JAG2: variants seen among roughly 807,000 people sequenced by gnomAD.
JAG2 encodes jagged canonical Notch ligand 2.
In JAG2, 46 loss-of-function variants were observed where a neutral mutation model predicts 141.7. The ratio of observed to expected loss-of-function variants is 0.32; its 90% CI spans 0.26 to 0.42. JAG2 has a LOEUF of 0.42. Ranked by LOEUF, JAG2 falls within the 10% of genes least tolerant of loss-of-function variation. The probability of loss-of-function intolerance (pLI) is 1.00; values close to 1 mark genes in which losing one functional copy is unlikely to be tolerated. For synonymous variants in JAG2, 862 were observed against 763.5 expected (o/e 1.13, Z -2.13); for missense variants, 1,500 against 1,817.5 (o/e 0.83, Z 3.18).
At chr14:105,156,329 C>T (rs1888582397) in intron 3 of JAG2, among the ~76,000 whole-genome samples, 1 of 152,146 alleles carries the variant, frequency 6.6e-6, no homozygotes, top group Admixed American at 6.5e-5. Context: ...TCTCACGTCC[C>T]ACACCTGTGC....
intron 25 of JAG2, 132 bp downstream of exon 25, chr14:105,143,350 G>A (rs1204052088): frequency 8.5e-6 from 11 of 1,299,748 alleles, no homozygotes; most frequent in East Asian, 5.0e-5. Context: ...GGGGCTGGGC[G>A]GCTGGGGCAG....
Position 105,142,818 on chromosome 14 carries a change from T to A in JAG2, c.3594A>T (p.Ser1198=), listed in dbSNP as rs780123604. ...EDSLEAEKFL[S]HKFTKDPGRS... is the part of the protein sequence containing the mutation. ...GGCCAGGATCTTTGGTGAATTTGTG[T>A]GAGAGGAACTTCTCCGCCTCCAGGG... Residue 1198 remains serine, a synonymous_variant, in exon 26 of 26, where the codon TCA becomes TCT. Coordinates refer to ENST00000331782, the MANE Select transcript of JAG2 (RefSeq NM_002226.5). The A allele has an allele frequency of 4.3e-6, 7 of 1,610,814 alleles. No individual in the cohort carries two copies. The highest frequency in any genetic ancestry group is 5.9e-6 in the Non-Finnish European group (7 of 1,179,026).
intron 24 of JAG2, 33 bp downstream of exon 24, chr14:105,144,897 C>A: frequency 6.3e-7 from 1 of 1,593,052 alleles, no homozygotes; most frequent in East Asian, 2.3e-5. Context: ...GACCCAGGGC[C>A]CACCCAGGTG....
At position 105,167,054 on chromosome 14, in the gene JAG2, G is replaced by A. The variant is rs1290147694; in HGVS notation, c.417+703C>T. ...CCCCTACCACCCCTCCTCCCAGCACGCCCAGGCCAGGGCTCCTGCCTGACT... is the reference window on the plus strand; with the variant it reads ...CCCCTACCACCCCTCCTCCCAGCACACCCAGGCCAGGGCTCCTGCCTGACT... On this transcript the variant is annotated intron_variant, in intron 2 of 25. Coordinates refer to ENST00000331782, the MANE Select transcript of JAG2 (RefSeq NM_002226.5). This position sits in a 1 kb window ranked among gnomAD's most constrained non-coding sequence, Gnocchi z 4.8. Among the ~76,000 whole-genome samples, 2 of 152,066 alleles carry A rather than the reference G, an allele frequency of 1.3e-5. No homozygotes were observed. The highest frequency in any genetic ancestry group is 2.9e-5 in the Non-Finnish European group (2 of 68,010).
In JAG2 at chr14:105,142,941, C is replaced by T. The variant is rs200439518; in HGVS notation, c.3471G>A (p.Pro1157=). Residue 1157 remains proline (P), a synonymous_variant, in exon 26 of 26, where the codon CCG becomes CCA. Transcript: ENST00000331782. ...VLYQCKNFTP[P]PRRADEALPG... ...GCAGCGCCTCGTCCGCCCTGCGCGGCGGCGGCGTGAAGTTCTTGCACTGGT... is the reference window on the plus strand; with the variant it reads ...GCAGCGCCTCGTCCGCCCTGCGCGGTGGCGGCGTGAAGTTCTTGCACTGGT... 4,471 of 1,608,884 alleles carry T rather than the reference C, an allele frequency of 2.8e-3. 6 individuals carry two copies. Among genetic ancestry groups the T allele is most frequent in the Non-Finnish European group, 3.4e-3 (4,044 of 1,177,836 alleles).
intron 2 of JAG2, among the ~76,000 whole-genome samples, chr14:105,165,834 C>T (rs1055361984): frequency 6.6e-6 from 1 of 152,276 alleles, no homozygotes. Flanking sequence ...CTCCTCAGGT[C>T]CCAGGGAGCC....
At chr14:105,152,778 C>T (rs1888475782) in intron 5 of JAG2, among the ~76,000 whole-genome samples, 1 of 152,140 alleles carries the variant, frequency 6.6e-6, no homozygotes. Flanking sequence ...CGCTCGCTCC[C>T]AGTAAAGTCC....
At chr14:105,146,169 C>A (rs1236326524) in intron 22 of JAG2, among the ~76,000 whole-genome samples, 196 bp from the exon 23 acceptor site, 3 of 152,176 alleles carry the variant, frequency 2.0e-5, no homozygotes, top group Non-Finnish European at 4.4e-5. Context: ...TCAGAAAGGG[C>A]AGGCGGAGCA....
chr14:105,168,176 G>T, intron 1 of JAG2, 69 bp from the exon 2 acceptor site: 6 of 1,336,854 alleles, frequency 4.5e-6, no homozygotes, highest in South Asian at 1.7e-5. Context: ...CGCCAGGGGT[G>T]GGGGAACAGG....
rs757806752 is a variant in JAG2, at chr14:105,167,721, G to A, written c.417+36C>T. ...GCGGGGCCGGGGCGCGGAGAGAGAG[G>A]GAAGGGCTGGAGCACGAGGGATGGA... On this transcript the variant is annotated intron_variant, in intron 2 of 25. Coordinates refer to ENST00000331782, the MANE Select transcript of JAG2 (RefSeq NM_002226.5). The surrounding 1 kb of genome is among the most constrained non-coding windows in gnomAD (Gnocchi z 4.8). 2.3e-5 allele frequency: 33 copies of A among 1,410,262 alleles called. No homozygotes were observed. Among genetic ancestry groups the A allele is most frequent in the South Asian group, 4.3e-5 (3 of 68,994 alleles). 87.4% of individuals were successfully genotyped at this position (1,410,262 alleles called of 1,614,324 possible).
In JAG2 at chr14:105,151,337, C is replaced by T. The variant is rs376912303; in HGVS notation, c.1213G>A (p.Asp405Asn). 16 of 1,612,626 alleles carry T rather than the reference C, an allele frequency of 9.9e-6. No individual in the cohort carries two copies. In the African/African-American group the frequency reaches 2.1e-4, roughly 22 times the overall value. ...AAGGTCVDQV[D>N]GFECICPEQW... ...TCGGGGCAGATGCACTCAAAGCCGTCCACCTGGTCCACACAGGTGCCACCG... is the reference window on the plus strand; with the variant it reads ...TCGGGGCAGATGCACTCAAAGCCGTTCACCTGGTCCACACAGGTGCCACCG... The change falls in exon 9 of 26, where the codon GAC becomes AAC. Residue 405 changes from aspartate to asparagine, a missense_variant. This residue lies in a region of JAG2 where 875 missense variants were observed against 1,202.2 expected (regional missense o/e 0.73). Coordinates refer to ENST00000331782, the MANE Select transcript of JAG2 (RefSeq NM_002226.5).
At chr14:105,161,898 C>T (rs1386877621) in intron 2 of JAG2, among the ~76,000 whole-genome samples, 1 of 152,244 alleles carries the variant, frequency 6.6e-6, no homozygotes, top group African/African-American at 2.4e-5. Flanking sequence ...AGCAACCTCT[C>T]ACCCCTGTCC....
chr14:105,160,740 G>A (rs1888723511), intron 2 of JAG2, among the ~76,000 whole-genome samples: 1 of 152,068 alleles, frequency 6.6e-6, no homozygotes. Context: ...GCAGGTGTCT[G>A]TAGTCCCAGC....
chr14:105,149,525 C>A (rs994088732), intron 12 of JAG2, among the ~76,000 whole-genome samples: 2 of 151,984 alleles, frequency 1.3e-5, no homozygotes, highest in East Asian at 3.9e-4. Flanking sequence ...TGGGCCCCCA[C>A]CCCCACCTCC....
intron 2 of JAG2, among the ~76,000 whole-genome samples, chr14:105,164,133 G>A (rs1268382321): frequency 7.0e-6 from 1 of 143,682 alleles, no homozygotes; most frequent in African/African-American, 2.6e-5. Flanking sequence ...CTATCGTGCT[G>A]CGGCTTTGAC....
chr14:105,156,856 A>G (rs1444424770), intron 3 of JAG2, among the ~76,000 whole-genome samples: 1 of 151,932 alleles, frequency 6.6e-6, no homozygotes, highest in African/African-American at 2.4e-5. Flanking sequence ...CCCCCTCAGG[A>G]AACACCCCTG....
Position 105,150,610 on chromosome 14 carries a change from G to C in JAG2, c.1596C>G (p.Leu532=), listed in dbSNP as rs587729034. 1 of 1,548,254 alleles carries C rather than the reference G, an allele frequency of 6.5e-7. No individual in the cohort carries two copies. The highest frequency in any genetic ancestry group is 2.4e-5 in the East Asian group (1 of 40,878). ...CHCPQGFSGP[L]CEVDVDLCEP... ...GTGACCAGGCAGACCTCACCTCACA[G>C]AGAGGCCCGGAGAAGCCCTGGGGGC... is the stretch of plus-strand genomic sequence containing the variant. The change falls in exon 12 of 26, where the codon CTC becomes CTG. Residue 532 remains leucine (L), a synonymous_variant. Coordinates refer to ENST00000331782, the MANE Select transcript of JAG2 (RefSeq NM_002226.5).
intron 2 of JAG2, among the ~76,000 whole-genome samples, chr14:105,165,957 A>T (rs1053901536): frequency 6.6e-6 from 1 of 152,184 alleles, no homozygotes; most frequent in Non-Finnish European, 1.5e-5. Flanking sequence ...GCCCGAGTGC[A>T]AATACCAGGG....
In JAG2 at chr14:105,156,050, G is replaced by A. The variant is rs1489350496; in HGVS notation, c.476-61C>T. ...AACCAGCCCGGCCAGGGGTCCTCCAGGAACAACGGGGACGGGGCAGAAGCC... is the reference window on the plus strand; with the variant it reads ...AACCAGCCCGGCCAGGGGTCCTCCAAGAACAACGGGGACGGGGCAGAAGCC... On this transcript the variant is annotated intron_variant, in intron 3 of 25. Transcript: ENST00000331782. The A allele has an allele frequency of 3.8e-6, 6 of 1,582,200 alleles. No individual in the cohort carries two copies. The Admixed American group carries it at 5.1e-5, about 13-fold the overall frequency.
Sources: gnomAD v4.1 joint callset for allele counts (sites outside exome capture counted in the v4.1 genomes callset) on GRCh38, gnomAD v4.1.1 for gene constraint, gnomAD v4.1.1 regional missense constraint, Gnocchi (gnomAD v3.1) non-coding constraint, MANE v1.5 for transcripts, NCBI Gene and HGNC (gene_info 2026-07-23, HGNC 2026-07-21) for gene names.